Variants in RIIAD1 observed in about 807,000 individuals in gnomAD.
RIIAD1 encodes regulatory subunit of type II PKA R-subunit domain containing 1, also known as RIIa domain-containing protein 1.
In RIIAD1, 15 loss-of-function variants were observed where a neutral mutation model predicts 13.3. That is an observed-to-expected ratio of 1.13 (90% CI 0.76 to 1.74). The LOEUF is 1.74. RIIAD1 is among the 40% of genes most tolerant of loss of function. The pLI, the probability that RIIAD1 is intolerant of heterozygous loss-of-function variation, is 0.00. For missense variants in RIIAD1, 121 were observed against 112.2 expected, an observed-to-expected ratio of 1.08 and a Z score of -0.35; for synonymous variants, 50 against 43.3, an observed-to-expected ratio of 1.16 and a Z score of -0.61.
intron 2 of RIIAD1, among the ~76,000 whole-genome samples, chr1:151,712,569 C>T (rs183638095): frequency 2.7e-4 from 41 of 152,310 alleles, no homozygotes; most frequent in African/African-American, 8.7e-4. Flanking sequence ...GGGCAACCCC[C>T]ACTCCACCAC....
chr1:151,722,715 T>C (rs549481485), intron 2 of RIIAD1, among the ~76,000 whole-genome samples: 4 of 152,224 alleles, frequency 2.6e-5, no homozygotes, highest in Non-Finnish European at 2.9e-5. Flanking sequence ...TAAATAATTA[T>C]AATGGCACCC....
At chr1:151,718,906 G>A (rs545828977), upstream of RIIAD1, among the ~76,000 whole-genome samples, 1 of 152,282 alleles carries the variant, frequency 6.6e-6, no homozygotes, top group South Asian at 2.1e-4. Context: ...GTCCTCTGAG[G>A]ATGGAGAAGG....
chr1:151,729,164 A>G (rs1252707008), intron 4 of RIIAD1, among the ~76,000 whole-genome samples: 5 of 152,180 alleles, frequency 3.3e-5, no homozygotes, highest in Non-Finnish European at 5.9e-5. Context: ...AGGGGTAAAG[A>G]TGGCAACAGG....
intron 3 of RIIAD1, 38 bp from the exon 4 acceptor site, chr1:151,728,728 G>T: frequency 8.2e-7 from 1 of 1,220,758 alleles, no homozygotes; most frequent in Non-Finnish European, 1.2e-6. Flanking sequence ...TTTTCCCTTT[G>T]GGTATAGATG....
At position 151,723,265 on chromosome 1, in the gene RIIAD1, A is replaced by G. The variant is rs530485722; in HGVS notation, c.161+1103A>G. On this transcript the variant is annotated intron_variant, in intron 2 of 4. Transcript: ENST00000479191. ...CAAAATTAGCCAGGCGTGGTGGCAC[A>G]TGCCTGTAATCCCAGCTACTTGAGA... Among the ~76,000 whole-genome samples, 5 of 151,920 alleles carry G rather than the reference A, an allele frequency of 3.3e-5. No individual in the cohort carries two copies. In the East Asian group the frequency reaches 9.7e-4, roughly 30 times the overall value.
At chr1:151,717,227 G>A (rs540432863), upstream of RIIAD1, among the ~76,000 whole-genome samples, 1 of 152,218 alleles carries the variant, frequency 6.6e-6, no homozygotes, top group Non-Finnish European at 1.5e-5. Context: ...AAATGAGAAA[G>A]GACGGTTGCA....
intron 1 of RIIAD1, 197 bp from the exon 2 acceptor site, chr1:151,721,889 T>C (rs1163599639): frequency 1.7e-6 from 1 of 600,506 alleles, no homozygotes; most frequent in Non-Finnish European, 3.0e-6. Context: ...CATCCGACCT[T>C]AGTAAAGGCC....
At chr1:151,714,551 T>C (rs1225974173) in intron 4 of RIIAD1, 1 of 1,443,898 alleles carries the variant, frequency 6.9e-7, no homozygotes, top group Non-Finnish European at 9.5e-7. Context: ...GCCACTTCTA[T>C]GGCCCTTCTC....
At chr1:151,721,998 A>T (rs1023930767) in intron 1 of RIIAD1, 88 bp from the exon 2 acceptor site, 16 of 908,092 alleles carry the variant, frequency 1.8e-5, no homozygotes, top group Non-Finnish European at 2.8e-5. Flanking sequence ...TTAAATGCGC[A>T]CGCCGTTTCC....
intron 2 of RIIAD1, among the ~76,000 whole-genome samples, chr1:151,725,948 C>T (rs1181839291): frequency 6.6e-6 from 1 of 152,160 alleles, no homozygotes; most frequent in Non-Finnish European, 1.5e-5. Flanking sequence ...TCTGCTGACC[C>T]TATGGAGCTC....
intron 2 of RIIAD1, among the ~76,000 whole-genome samples, chr1:151,722,864 G>C (rs1673763240): frequency 1.3e-5 from 2 of 152,182 alleles, no homozygotes; most frequent in Admixed American, 6.5e-5. Flanking sequence ...GCAGTGTGTG[G>C]CATCTTGGAA....
intron 3 of RIIAD1, among the ~76,000 whole-genome samples, chr1:151,714,171 C>T (rs1237721198): frequency 6.6e-6 from 1 of 152,086 alleles, no homozygotes; most frequent in African/African-American, 2.4e-5. Context: ...GCTGCCTGTT[C>T]TCTGGGCACT....
intron 1 of RIIAD1, among the ~76,000 whole-genome samples, chr1:151,711,571 C>G (rs926727252): frequency 6.6e-6 from 1 of 152,196 alleles, no homozygotes; most frequent in South Asian, 2.1e-4. Flanking sequence ...CCATCGGAGG[C>G]TCAATCTCCT....
intron 2 of RIIAD1, 76 bp from the exon 3 acceptor site, chr1:151,727,499 A>G: frequency 2.1e-6 from 2 of 948,122 alleles, no homozygotes; most frequent in South Asian, 2.8e-5. Flanking sequence ...CTGTGAAAGT[A>G]CAGGACCTGA....
intron 3 of RIIAD1, chr1:151,714,396 A>G (rs902405103): frequency 1.6e-6 from 1 of 645,118 alleles, no homozygotes; most frequent in Non-Finnish European, 2.8e-6. Flanking sequence ...TTACGCCACT[A>G]ATCGCTGCTT....
At chr1:151,722,032 C>A in intron 1 of RIIAD1, 54 bp from the exon 2 acceptor site, 2 of 1,292,266 alleles carry the variant, frequency 1.5e-6, no homozygotes, top group Non-Finnish European at 2.2e-6. Flanking sequence ...ATCTCCAGGG[C>A]TGAACCCTGA....
At chr1:151,713,092 G>C (rs1340337262) in intron 2 of RIIAD1, among the ~76,000 whole-genome samples, 1 of 152,200 alleles carries the variant, frequency 6.6e-6, no homozygotes, top group Non-Finnish European at 1.5e-5. Context: ...TTGGAGGATG[G>C]AACCCTCATT....
At chr1:151,711,648 A>G (rs1316062329) in intron 1 of RIIAD1, among the ~76,000 whole-genome samples, 2 of 152,212 alleles carry the variant, frequency 1.3e-5, no homozygotes, top group African/African-American at 4.8e-5. Context: ...CTCAGGGTGC[A>G]TGGGCTTTCA....
chr1:151,713,021 C>T (rs1296010075), intron 2 of RIIAD1, among the ~76,000 whole-genome samples: 1 of 152,196 alleles, frequency 6.6e-6, no homozygotes, highest in Non-Finnish European at 1.5e-5. Flanking sequence ...GGGTCACAGA[C>T]ATCTGCTCCC....
Sources: gnomAD v4.1 joint callset for allele counts (sites outside exome capture counted in the v4.1 genomes callset) on GRCh38, gnomAD v4.1.1 for gene constraint, MANE v1.5 for transcripts, NCBI Gene and HGNC (gene_info 2026-07-23, HGNC 2026-07-21) for gene names.